Variants in NEK7 observed in about 807,000 individuals in gnomAD.
NEK7 encodes the protein NIMA related kinase 7, also known as serine/threonine-protein kinase Nek7.
Under a neutral mutation model 44.6 loss-of-function variants are expected in NEK7, and 18 were observed. The ratio of observed to expected loss-of-function variants is 0.40; its 90% CI spans 0.28 to 0.60. The LOEUF (loss-of-function observed/expected upper bound fraction) is 0.60. Ranked by LOEUF, NEK7 falls within the 20% of genes least tolerant of loss-of-function variation. The pLI is 0.38. For synonymous variants in NEK7, 130 were observed against 121.1 expected (o/e 1.07, Z -0.48); for missense variants, 256 against 366.5 (o/e 0.70, Z 2.46).
chr1:198,303,924 C>G (rs1412322140), intron 9 of NEK7, among the ~76,000 whole-genome samples: 1 of 152,056 alleles, frequency 6.6e-6, no homozygotes, highest in Non-Finnish European at 1.5e-5. Flanking sequence ...AGTATTATCT[C>G]AAACGCTATT....
At chr1:198,280,490 A>G (rs958657999) in intron 7 of NEK7, among the ~76,000 whole-genome samples, 4 of 152,064 alleles carry the variant, frequency 2.6e-5, no homozygotes, top group African/African-American at 9.7e-5. Context: ...TGAAGGATCC[A>G]GCATTATTAT....
At chr1:198,317,538 C>T (rs1655404828) in intron 9 of NEK7, among the ~76,000 whole-genome samples, 1 of 152,132 alleles carries the variant, frequency 6.6e-6, no homozygotes, top group Admixed American at 6.5e-5. Context: ...ACTTAAGGGC[C>T]AGTCATTCAT....
chr1:198,199,243 C>T (rs1419554499), intron 1 of NEK7, among the ~76,000 whole-genome samples: 1 of 152,224 alleles, frequency 6.6e-6, no homozygotes, highest in Non-Finnish European at 1.5e-5. Context: ...AGCCAGTCCC[C>T]TGGGGGCATT....
Position 198,319,395 on chromosome 1 carries a change from T to C in NEK7, c.799-17T>C. 1 of 1,589,720 alleles carries C rather than the reference T, an allele frequency of 6.3e-7. No individual in the cohort carries two copies. The highest frequency in any genetic ancestry group is 8.6e-7 in the Non-Finnish European group (1 of 1,164,018). On this transcript the variant is annotated splice_polypyrimidine_tract_variant and intron_variant, in intron 9 of 9. Transcript: ENST00000367385. ...TAGTTGTCTTAATCAGGTTTTATTGTTTTTCTTTCTTCACAGCTCCGACAG... is the reference window on the plus strand; with the variant it reads ...TAGTTGTCTTAATCAGGTTTTATTGCTTTTCTTTCTTCACAGCTCCGACAG...
intron 7 of NEK7, among the ~76,000 whole-genome samples, chr1:198,287,847 G>A (rs1335876416): frequency 1.3e-5 from 2 of 152,132 alleles, no homozygotes; most frequent in Non-Finnish European, 2.9e-5. Context: ...TGCTTGAACT[G>A]CTGTTTACCT....
chr1:198,159,286 G>C (rs1331884523), intron 1 of NEK7, among the ~76,000 whole-genome samples: 1 of 152,098 alleles, frequency 6.6e-6, no homozygotes, highest in Non-Finnish European at 1.5e-5. Context: ...CTGAGGGCCA[G>C]CCTGGAGAAA....
chr1:198,231,404 A>G (rs1323377225), intron 1 of NEK7, among the ~76,000 whole-genome samples: 1 of 147,218 alleles, frequency 6.8e-6, no homozygotes, highest in Admixed American at 6.8e-5. Flanking sequence ...GTAAAGGATA[A>G]TTTTTTCAAT....
In NEK7 at chr1:198,258,396, G is replaced by A. The variant is rs1027686215; in HGVS notation, c.199-4179G>A. ...GGAGGTTACAGTGAGCCAAGATCAC[G>A]CCACTGCACTCCAGCCTGGAGACAA... On this transcript the variant is annotated intron_variant, in intron 3 of 9. Transcript: ENST00000367385. Among the ~76,000 whole-genome samples the A allele has an allele frequency of 5.3e-5, 8 of 152,228 alleles. No homozygotes were observed. In the South Asian group the frequency reaches 1.0e-3, roughly 20 times the overall value.
At chr1:198,229,029 A>G (rs964419121) in intron 1 of NEK7, among the ~76,000 whole-genome samples, 2 of 152,186 alleles carry the variant, frequency 1.3e-5, no homozygotes, top group Admixed American at 6.5e-5. Context: ...GTTCTGCCCC[A>G]TACTCTGGGG....
rs1655532180 is a variant in NEK7 at position 198,321,433 on chromosome 1, T to C, written c.*1911T>C. 6.6e-6 allele frequency: 1 copy of C among 152,174 alleles called. No individual in the cohort carries two copies. The highest frequency in any genetic ancestry group is 2.4e-5 in the African/African-American group (1 of 41,464). The allele number at this position is 152,174 out of a possible 1,614,324, so 9.4% of individuals were successfully genotyped here. On this transcript the variant is annotated 3_prime_UTR_variant, in exon 10 of 10. Coordinates refer to ENST00000367385, the MANE Select transcript of NEK7 (RefSeq NM_133494.3). ...ACCATTAATGTCATGTTCATTTTAATGTAATATAATTGAGATGAAATGTTC... is the reference window on the plus strand; with the variant it reads ...ACCATTAATGTCATGTTCATTTTAACGTAATATAATTGAGATGAAATGTTC...
intron 2 of NEK7, among the ~76,000 whole-genome samples, chr1:198,234,992 C>A (rs966361716): frequency 6.6e-6 from 1 of 152,176 alleles, no homozygotes; most frequent in East Asian, 1.9e-4. Context: ...AAAGGACAGC[C>A]TCTGCTCAGC....
chr1:198,282,018 A>G (rs1654215426), intron 7 of NEK7, among the ~76,000 whole-genome samples: 2 of 152,182 alleles, frequency 1.3e-5, no homozygotes, highest in South Asian at 4.1e-4. Context: ...GCATGTTCAA[A>G]CTATGTTCAG....
intron 1 of NEK7, among the ~76,000 whole-genome samples, chr1:198,163,351 T>C (rs1409995078): frequency 6.6e-6 from 1 of 151,686 alleles, no homozygotes; most frequent in Admixed American, 6.6e-5. Flanking sequence ...AAAAAATTAG[T>C]TGGGCTTGGT....
At chr1:198,316,585 A>G (rs143340076) in intron 9 of NEK7, among the ~76,000 whole-genome samples, 2 of 152,212 alleles carry the variant, frequency 1.3e-5, no homozygotes, top group African/African-American at 4.8e-5. Flanking sequence ...TGAGATACCT[A>G]TCACTTTGTA....
chr1:198,174,462 C>T (rs372331631), intron 1 of NEK7, among the ~76,000 whole-genome samples: 4 of 152,030 alleles, frequency 2.6e-5, no homozygotes, highest in African/African-American at 4.8e-5. Flanking sequence ...AGTGAGTTTT[C>T]CAAGAAGTAA....
intron 1 of NEK7, among the ~76,000 whole-genome samples, chr1:198,226,167 T>C (rs1175705987): frequency 1.3e-5 from 2 of 152,114 alleles, no homozygotes; most frequent in East Asian, 3.8e-4. Context: ...TGGTACGAGA[T>C]ACACTATTTG....
At chr1:198,274,802 T>G (rs1380595807) in intron 5 of NEK7, among the ~76,000 whole-genome samples, 6 of 151,882 alleles carry the variant, frequency 4.0e-5, no homozygotes, top group South Asian at 2.1e-4. Context: ...TCATTTAATT[T>G]GTAGTGGGAT....
intron 2 of NEK7, 101 bp from the exon 3 acceptor site, chr1:198,252,939 C>T (rs1456090185): frequency 1.0e-6 from 1 of 971,558 alleles, no homozygotes; most frequent in Non-Finnish European, 1.6e-6. Context: ...TGTCTGCAAA[C>T]TTACCCTATG....
At position 198,272,499 on chromosome 1, in the gene NEK7, A is replaced by C. The variant is rs114131998; in HGVS notation, c.373-5462A>C. ...CTTTGTTCATTATGAAAATTAAAATATCTCTTCAACTCTCTTAGTGTTGTC... is the reference window on the plus strand; with the variant it reads ...CTTTGTTCATTATGAAAATTAAAATCTCTCTTCAACTCTCTTAGTGTTGTC... On this transcript the variant is annotated intron_variant, in intron 5 of 9. Transcript: ENST00000367385. Among the ~76,000 whole-genome samples, 385 of 151,980 alleles carry C rather than the reference A, an allele frequency of 2.5e-3. 2 individuals are homozygous for C. The highest frequency in any genetic ancestry group is 6.2e-3 in the Admixed American group (95 of 15,232).
Sources: allele counts gnomAD v4.1 joint callset (sites outside exome capture counted in the v4.1 genomes callset), GRCh38; gene constraint gnomAD v4.1.1; transcripts MANE v1.5; gene names NCBI Gene and HGNC (gene_info 2026-07-23, HGNC 2026-07-21).